Variants in WDR48 observed in about 807,000 individuals in gnomAD.
WDR48 encodes WD repeat-containing protein 48.
A neutral mutation model predicts 94.0 loss-of-function variants in WDR48; 22 were observed. The ratio of observed to expected loss-of-function variants is 0.23; its 90% confidence interval spans 0.17 to 0.33. WDR48 has a LOEUF of 0.33. WDR48 is among the 10% of genes least tolerant of loss of function. The probability of loss-of-function intolerance (pLI) is 1.00; values close to 1 mark genes in which losing one functional copy is unlikely to be tolerated. For missense variants in WDR48, 541 were observed against 813.8 expected (o/e 0.66, Z 4.08); for synonymous variants, 278 against 280.5 (o/e 0.99, Z 0.09).
chr3:39,077,984 A>G (rs1330224390), intron 9 of WDR48, 153 bp from the exon 10 acceptor site: 1 of 565,380 alleles, frequency 1.8e-6, no homozygotes, highest in Non-Finnish European at 3.2e-6. Flanking sequence ...ACGATGATAG[A>G]TAATTGTACT....
intron 1 of WDR48, among the ~76,000 whole-genome samples, chr3:39,052,769 G>T (rs1046522446): frequency 5.3e-5 from 8 of 152,102 alleles, no homozygotes; most frequent in African/African-American, 1.9e-4. Flanking sequence ...TAATCTTACC[G>T]TGTGTGTCTT....
intron 1 of WDR48, among the ~76,000 whole-genome samples, chr3:39,055,356 A>T (rs2125630553): frequency 6.6e-6 from 1 of 152,314 alleles, no homozygotes; most frequent in African/African-American, 2.4e-5. Flanking sequence ...ATGGTGGCGC[A>T]TGCCTGTAAT....
intron 7 of WDR48, 37 bp from the exon 8 acceptor site, chr3:39,074,689 T>C (rs961923186): frequency 8.7e-6 from 14 of 1,605,618 alleles, no homozygotes; most frequent in Non-Finnish European, 1.0e-5. Flanking sequence ...GCAGGAACTT[T>C]GTGGCAAGTT....
chr3:39,058,998 C>G (rs1391835809), intron 1 of WDR48, among the ~76,000 whole-genome samples: 1 of 149,348 alleles, frequency 6.7e-6, no homozygotes, highest in Non-Finnish European at 1.5e-5. Flanking sequence ...TTGCTTGAAC[C>G]TGGGCAGCAG....
At position 39,088,189 on chromosome 3, in the gene WDR48, T is replaced by C. The variant is rs373339575; in HGVS notation, c.1536T>C (p.His512=). ...ATGGATATTTTCAAGTGCCCCCACA[T>C]ACACCCGTGATCTTTGGTGAAGCTG... ...KGNGYFQVPP[H]TPVIFGEAGG... is the part of the protein sequence containing the mutation. The change falls in exon 15 of 19, where the codon CAT becomes CAC. Residue 512 remains histidine, a synonymous_variant. Coordinates refer to ENST00000302313, the MANE Select transcript of WDR48 (RefSeq NM_020839.4). 9 of 1,614,090 alleles carry C rather than the reference T, an allele frequency of 5.6e-6. No homozygotes were observed. The highest frequency in any genetic ancestry group is 2.2e-5 in the South Asian group (2 of 91,090).
At chr3:39,089,400 T>G (rs562622431) in intron 16 of WDR48, 82 bp downstream of exon 16, 145 of 1,309,718 alleles carry the variant, frequency 1.1e-4, no homozygotes, top group Non-Finnish European at 1.5e-4. Flanking sequence ...ATTATAATTT[T>G]AAACCTTAAT....
intron 10 of WDR48, among the ~76,000 whole-genome samples, chr3:39,078,734 A>T (rs182101544): frequency 0.017 from 2,174 of 125,856 alleles, 20 homozygotes; most frequent in Non-Finnish European, 0.021. Context: ...AAGTTATTTT[A>T]AAAAATGCTG....
chr3:39,065,928 AT>A, intron 3 of WDR48, 39 bp downstream of exon 3: 6 of 1,497,636 alleles, frequency 4.0e-6, no homozygotes, highest in East Asian at 4.8e-5. Flanking sequence ...CTTCTGATAT[AT>A]TTTTTGTTTT....
chr3:39,081,931 T>C (rs1270290427), intron 11 of WDR48, among the ~76,000 whole-genome samples: 1 of 152,222 alleles, frequency 6.6e-6, no homozygotes, highest in Non-Finnish European at 1.5e-5. Context: ...TATCAAATGA[T>C]CTGGTGTAAT....
At chr3:39,054,463 G>A (rs1426381568) in intron 1 of WDR48, among the ~76,000 whole-genome samples, 6 of 152,128 alleles carry the variant, frequency 3.9e-5, no homozygotes, top group Non-Finnish European at 8.8e-5. Context: ...AATTGCCGCT[G>A]GTTGAGAACC....
chr3:39,092,387 T>C (rs2035124648), intron 17 of WDR48, among the ~76,000 whole-genome samples: 1 of 152,088 alleles, frequency 6.6e-6, no homozygotes, highest in African/African-American at 2.4e-5. Context: ...CTTCAAAAGA[T>C]AGATATTCCA....
chr3:39,090,559 C>T (rs1476886021), intron 16 of WDR48: 1 of 152,148 alleles, frequency 6.6e-6, no homozygotes, highest in Non-Finnish European at 1.5e-5. Context: ...GTCTAGCTCT[C>T]TAATCTATTA....
chr3:39,062,649 A>G (rs1317428167), intron 1 of WDR48, among the ~76,000 whole-genome samples: 1 of 152,236 alleles, frequency 6.6e-6, no homozygotes, highest in African/African-American at 2.4e-5. Flanking sequence ...ATGAGTGGCC[A>G]GAAAGACAAA....
At chr3:39,069,123 G>A (rs2033783171) in intron 6 of WDR48, among the ~76,000 whole-genome samples, 1 of 151,900 alleles carries the variant, frequency 6.6e-6, no homozygotes, top group African/African-American at 2.4e-5. Flanking sequence ...CGTGCATCAG[G>A]CCACTCCTTG....
In WDR48 at chr3:39,059,286, T is replaced by TGAG. The variant is rs748575121; in HGVS notation, c.49-3764_49-3763insGAG. On this transcript the variant is annotated intron_variant, in intron 1 of 18. Transcript: ENST00000302313. The stretch of plus-strand genomic sequence containing the variant: ...TAGGGATTCGAGGGGTGGTGAATCT[T>TGAG]CATGACACTGGCAACAGTAAATGAG... 1.2e-3 allele frequency among the ~76,000 whole-genome samples: 185 copies of TGAG among 152,250 alleles called. 3 individuals are homozygous for TGAG. The highest frequency in any genetic ancestry group is 1.3e-3 in the Non-Finnish European group (87 of 68,002).
chr3:39,052,243 G>C (rs1197362073), intron 1 of WDR48, 170 bp downstream of exon 1: 6 of 752,888 alleles, frequency 8.0e-6, no homozygotes, highest in Non-Finnish European at 1.0e-5. Flanking sequence ...CTTGAGGAAG[G>C]GGCGGGGGTC....
intron 6 of WDR48, 55 bp downstream of exon 6, chr3:39,068,914 T>C: frequency 4.7e-6 from 6 of 1,283,540 alleles, no homozygotes; most frequent in Non-Finnish European, 5.4e-6. Context: ...TCACATACCT[T>C]GTCTCCTATT....
intron 1 of WDR48, among the ~76,000 whole-genome samples, chr3:39,054,155 G>A (rs905088385): frequency 6.6e-6 from 1 of 152,156 alleles, no homozygotes; most frequent in Non-Finnish European, 1.5e-5. Context: ...AAACTAATGC[G>A]TGTTCATTGT....
At chr3:39,052,981 C>G (rs540179935) in intron 1 of WDR48, among the ~76,000 whole-genome samples, 1 of 152,276 alleles carries the variant, frequency 6.6e-6, no homozygotes, top group Non-Finnish European at 1.5e-5. Flanking sequence ...TGTAACAAAC[C>G]TGCACGTTGT....
Sources: gnomAD v4.1 joint callset for allele counts (sites outside exome capture counted in the v4.1 genomes callset) on GRCh38, gnomAD v4.1.1 for gene constraint, MANE v1.5 for transcripts, NCBI Gene and HGNC (gene_info 2026-07-23, HGNC 2026-07-21) for gene names.